The following IGF1R variants were observed in gnomAD, a reference collection of about 807,000 sequenced individuals.
The protein encoded by IGF1R is insulin like growth factor 1 receptor, also known as insulin-like growth factor 1 receptor.
A neutral mutation model predicts 144.6 loss-of-function variants in IGF1R; 44 were observed. That is an observed-to-expected ratio of 0.30 (90% CI 0.24 to 0.39). IGF1R has a LOEUF of 0.39. Ranked by LOEUF, IGF1R falls within the 10% of genes least tolerant of loss-of-function variation. The pLI is 1.00. For missense variants in IGF1R, 1,355 were observed against 1,833.7 expected, an observed-to-expected ratio of 0.74 and a Z score of 4.77; for synonymous variants, 795 against 722.8, an observed-to-expected ratio of 1.10 and a Z score of -1.60.
intron 2 of IGF1R, among the ~76,000 whole-genome samples, chr15:98,845,157 G>A (rs925988014): frequency 1.3e-5 from 2 of 152,152 alleles, no homozygotes; most frequent in African/African-American, 4.8e-5. Context: ...AGAGTAGGGA[G>A]AAGAGTAAAT....
At chr15:98,930,383 G>T (rs2015893555) in intron 15 of IGF1R, 78 bp downstream of exon 15, 1 of 921,716 alleles carries the variant, frequency 1.1e-6, no homozygotes, top group Non-Finnish European at 1.8e-6. Flanking sequence ...GCTAATTTGG[G>T]AAAGGAAGGA....
chr15:98,949,783 C>A lies in IGF1R; in HGVS notation c.3722+1075C>A, dbSNP rs146893974. ...TTGGTGAGGCCTCTCTGCTCAGCGCCCCCTGGAGAAGCCCCCCTTTTGGTG... is the reference window on the plus strand; with the variant it reads ...TTGGTGAGGCCTCTCTGCTCAGCGCACCCTGGAGAAGCCCCCCTTTTGGTG... On this transcript the variant is annotated intron_variant, in intron 20 of 20. Coordinates refer to ENST00000650285, the MANE Select transcript of IGF1R (RefSeq NM_000875.5). Among the ~76,000 whole-genome samples, 687 of 152,294 alleles carry A rather than the reference C, an allele frequency of 4.5e-3. 7 individuals carry two copies. The highest frequency in any genetic ancestry group is 0.016 in the African/African-American group (650 of 41,548).
chr15:98,864,143 T>G (rs140552484), intron 2 of IGF1R, among the ~76,000 whole-genome samples: 2,235 of 152,114 alleles, frequency 0.015, 53 homozygotes, highest in African/African-American at 0.051. Flanking sequence ...TGGTCCCACT[T>G]ACTTGGGAGG....
chr15:98,692,151 C>A (rs946172335), intron 1 of IGF1R, among the ~76,000 whole-genome samples: 2 of 152,132 alleles, frequency 1.3e-5, no homozygotes, highest in African/African-American at 2.4e-5. Context: ...GCCTGGGCAA[C>A]ATGGTGAAAC....
At chr15:98,871,456 G>A (rs768802415) in intron 2 of IGF1R, among the ~76,000 whole-genome samples, 40 of 152,334 alleles carry the variant, frequency 2.6e-4, no homozygotes, top group Non-Finnish European at 2.9e-4. Flanking sequence ...CCTTACCACA[G>A]AGGAAGGAGC....
At chr15:98,851,562 C>G (rs1056185285) in intron 2 of IGF1R, among the ~76,000 whole-genome samples, 2 of 151,918 alleles carry the variant, frequency 1.3e-5, no homozygotes, top group African/African-American at 4.9e-5. Flanking sequence ...AATCTCTGGA[C>G]TCTGGCTCAG....
At chr15:98,766,101 G>A (rs41458648) in intron 2 of IGF1R, among the ~76,000 whole-genome samples, 3,410 of 152,124 alleles carry the variant, frequency 0.022, 121 homozygotes, top group African/African-American at 0.076. Flanking sequence ...AGGGTGAGCC[G>A]GGACCCCAGG....
intron 2 of IGF1R, chr15:98,734,621 G>T (rs1035896311): frequency 6.6e-6 from 1 of 152,208 alleles, no homozygotes; most frequent in African/African-American, 2.4e-5. Context: ...TGCTTGCTAA[G>T]TAAGTGTGTG....
intron 2 of IGF1R, among the ~76,000 whole-genome samples, chr15:98,798,100 G>A (rs866967604): frequency 6.6e-6 from 1 of 152,174 alleles, no homozygotes; most frequent in Non-Finnish European, 1.5e-5. Context: ...TGTTCCTGGT[G>A]TCAGGGTTAT....
At chr15:98,956,162 G>T (rs1163537338) in intron 20 of IGF1R, among the ~76,000 whole-genome samples, 1 of 152,242 alleles carries the variant, frequency 6.6e-6, no homozygotes, top group Admixed American at 6.5e-5. Flanking sequence ...CTGTTTTCTT[G>T]GGGAGCCCCG....
intron 13 of IGF1R, among the ~76,000 whole-genome samples, chr15:98,928,718 A>G (rs2015822777): frequency 6.6e-6 from 1 of 152,104 alleles, no homozygotes; most frequent in Non-Finnish European, 1.5e-5. Flanking sequence ...TCTAGTTGTC[A>G]TGCTACCTGT....
intron 1 of IGF1R, among the ~76,000 whole-genome samples, chr15:98,678,977 A>C (rs1218379100): frequency 6.9e-6 from 1 of 144,520 alleles, no homozygotes; most frequent in East Asian, 2.0e-4. Flanking sequence ...GATGGTGTAC[A>C]GTGGTGTGGT....
intron 2 of IGF1R, among the ~76,000 whole-genome samples, chr15:98,834,009 C>G (rs900835405): frequency 6.6e-6 from 1 of 152,182 alleles, no homozygotes; most frequent in Non-Finnish European, 1.5e-5. Flanking sequence ...ATGTGGCCAG[C>G]TCTGTGCTGC....
chr15:98,957,638 C>A lies in IGF1R; in HGVS notation c.*196C>A. ...GATGTTCCTTTTTTCAATATGCAAG[C>A]AGCTTTTTATTCCCTGCCCAAACCC... On this transcript the variant is annotated 3_prime_UTR_variant, in exon 21 of 21. Transcript: ENST00000650285. 3.0e-6 allele frequency: 2 copies of A among 665,182 alleles called. No individual in the cohort carries two copies. Among genetic ancestry groups the A allele is most frequent in the South Asian group, 3.7e-5 (2 of 53,336 alleles). 41.2% of individuals were successfully genotyped at this position (665,182 alleles called of 1,614,324 possible).
At chr15:98,863,360 C>G (rs1314776198) in intron 2 of IGF1R, among the ~76,000 whole-genome samples, 1 of 152,118 alleles carries the variant, frequency 6.6e-6, no homozygotes, top group African/African-American at 2.4e-5. Context: ...TACTATTTTT[C>G]TCTTTGTAAT....
chr15:98,677,513 A>G (rs1164649702), intron 1 of IGF1R, among the ~76,000 whole-genome samples: 1 of 152,216 alleles, frequency 6.6e-6, no homozygotes, highest in African/African-American at 2.4e-5. Context: ...CTGCCTAATA[A>G]GGGAGTAGGC....
chr15:98,652,430 G>T (rs878977711), intron 1 of IGF1R, among the ~76,000 whole-genome samples: 1 of 152,188 alleles, frequency 6.6e-6, no homozygotes, highest in African/African-American at 2.4e-5. Flanking sequence ...CCCAGAAAAA[G>T]AACTTCTGAA....
chr15:98,712,688 A>G (rs1266657400), intron 2 of IGF1R, among the ~76,000 whole-genome samples: 1 of 151,498 alleles, frequency 6.6e-6, no homozygotes, highest in Non-Finnish European at 1.5e-5. Context: ...GGCTCATTGC[A>G]ACCTCCGGGC....
chr15:98,906,042 G>A (rs1436014475), intron 5 of IGF1R, among the ~76,000 whole-genome samples: 1 of 152,114 alleles, frequency 6.6e-6, no homozygotes, highest in African/African-American at 2.4e-5. Flanking sequence ...ATTGATATTG[G>A]TATCCTGGCT....
Sources: gnomAD v4.1 joint callset for allele counts (sites outside exome capture counted in the v4.1 genomes callset) on GRCh38, gnomAD v4.1.1 for gene constraint, MANE v1.5 for transcripts, NCBI Gene and HGNC (gene_info 2026-07-23, HGNC 2026-07-21) for gene names.